Variants in ZNF624 observed in about 807,000 individuals in gnomAD.
The protein encoded by ZNF624 is zinc finger protein 624.
In ZNF624, 43 loss-of-function variants were observed where a neutral mutation model predicts 74.7. The ratio of observed to expected loss-of-function variants is 0.58; its 90% CI spans 0.45 to 0.74. ZNF624 has a LOEUF of 0.74. ZNF624 is among the 30% of genes least tolerant of loss of function. The pLI, the probability that ZNF624 is intolerant of heterozygous loss-of-function variation, is 0.00. For missense variants in ZNF624, 820 were observed against 1,030.0 expected, an observed-to-expected ratio of 0.80 and a Z score of 2.79; for synonymous variants, 331 against 341.3, an observed-to-expected ratio of 0.97 and a Z score of 0.33.
chr17:16,617,265 A>G, downstream of ZNF624: 1 of 1,613,378 alleles, frequency 6.2e-7, no homozygotes, highest in Non-Finnish European at 8.5e-7. Flanking sequence ...TGCGACTCCT[A>G]CTTCGTGACC....
chr17:16,624,473 C>T lies in ZNF624; in HGVS notation c.413G>A (p.Arg138Gln), dbSNP rs138875564. Residue 138 changes from arginine to glutamine, a missense_variant, in exon 6 of 6, where the codon CGA (arginine) becomes CAA (glutamine). By Grantham distance (43) the Arg-to-Gln change is conservative. Coordinates refer to ENST00000311331, the MANE Select transcript of ZNF624 (RefSeq NM_020787.4). ...TAAATCTTCAGAAATAGCCTTTGTTCGTGTAGCCTTCTTGGTTGCAGGTTT... is the reference window on the plus strand; with the variant it reads ...TAAATCTTCAGAAATAGCCTTTGTTTGTGTAGCCTTCTTGGTTGCAGGTTT... ...EPKPATKKAT[R>Q]TKAISEDLSQ... 8.1e-5 allele frequency: 129 copies of T among 1,586,692 alleles called. No individual in the cohort carries two copies. The highest frequency in any genetic ancestry group is 9.5e-5 in the Non-Finnish European group (111 of 1,171,424).
chr17:16,618,069 G>A (rs927167375), downstream of ZNF624, among the ~76,000 whole-genome samples: 2 of 152,188 alleles, frequency 1.3e-5, no homozygotes, highest in Non-Finnish European at 2.9e-5. Flanking sequence ...TATAAGAATT[G>A]CTGAAATTTT....
intron 5 of ZNF624, 71 bp downstream of exon 5, chr17:16,633,791 G>C: frequency 8.4e-7 from 1 of 1,192,712 alleles, no homozygotes; most frequent in Non-Finnish European, 1.2e-6. Context: ...TATTTCAGAT[G>C]TTCTGGTGAA....
In ZNF624 at chr17:16,622,380, A is replaced by G; in HGVS notation, c.2506T>C (p.Tyr836His). The change falls in exon 6 of 6, where the codon TAT becomes CAT. Residue 836 changes from tyrosine (Y) to histidine (H), a missense_variant. Transcript: ENST00000311331. ...HLRMHTGEKP[Y>H]KCNECGKAFR... ...GCTTTTCCACATTCATTACATTTAT[A>G]GGGTTTTTCTCCAGTATGCATCCTC... 1.2e-6 allele frequency: 2 copies of G among 1,613,850 alleles called. No individual in the cohort carries two copies. Among genetic ancestry groups the G allele is most frequent in the Non-Finnish European group, 1.7e-6 (2 of 1,179,886 alleles).
At chr17:16,616,916 T>G (rs1908802652), downstream of ZNF624, 1 of 1,526,604 alleles carries the variant, frequency 6.6e-7, no homozygotes, top group African/African-American at 1.4e-5. Context: ...GATCTTGAAG[T>G]AGCTCTTTTT....
intron 3 of ZNF624, among the ~76,000 whole-genome samples, chr17:16,640,117 TATA>T (rs1198255624): frequency 9.2e-5 from 14 of 152,092 alleles, no homozygotes; most frequent in African/African-American, 2.7e-4. Flanking sequence ...AGTTGAAAAG[TATA>T]ATAACTGAAA....
At chr17:16,642,035 G>A (rs559287354) in intron 3 of ZNF624, among the ~76,000 whole-genome samples, 4 of 152,280 alleles carry the variant, frequency 2.6e-5, no homozygotes, top group Non-Finnish European at 4.4e-5. Flanking sequence ...GACAATCGAT[G>A]TTCAAGTATG....
rs541391543 is a variant in ZNF624 at position 16,649,681 on chromosome 17, C to T, written c.64G>A (p.Val22Met). The T allele has an allele frequency of 1.2e-6, 2 of 1,614,054 alleles. No homozygotes were observed. Among genetic ancestry groups the T allele is most frequent in the East Asian group, 4.5e-5 (2 of 44,878 alleles). ...GKPEGEIMAA[V>M]FFSVGRLSPE... ...ACCAGGCGTCCAACTGAGAAAAACA[C>T]AGCAGCCATAATCTCTCCCTCTGGT... The change falls in exon 2 of 6, where the codon GTG becomes ATG. Residue 22 changes from valine to methionine, a missense_variant. Physicochemically the swap from Val to Met is conservative, Grantham distance 21 (BLOSUM62 1). Transcript: ENST00000311331.
In ZNF624 at chr17:16,622,412, A is replaced by T; in HGVS notation, c.2474T>A (p.Val825Glu). Residue 825 changes from valine (V) to glutamate (E), a missense_variant, in exon 6 of 6, where the codon GTA (valine) becomes GAA (glutamate). Physicochemically the swap from Val to Glu is moderately radical, Grantham distance 121 (BLOSUM62 -2). Transcript: ENST00000311331. ...KAFRTNSDFT[V>E]HLRMHTGEKP... ...TTCTCCAGTATGCATCCTCAAGTGT[A>T]CAGTAAAGTCTGAGTTAGTTCTGAA... 4 of 1,613,848 alleles carry T rather than the reference A, an allele frequency of 2.5e-6. No homozygotes were observed. Among genetic ancestry groups the T allele is most frequent in the Non-Finnish European group, 3.4e-6 (4 of 1,179,854 alleles).
chr17:16,619,059 C>A (rs894533214), downstream of ZNF624, among the ~76,000 whole-genome samples: 4 of 152,154 alleles, frequency 2.6e-5, no homozygotes, highest in African/African-American at 9.7e-5. Context: ...TACAACGAGA[C>A]ATAGTCCAAA....
At chr17:16,651,006 G>T (rs138497491) in intron 1 of ZNF624, among the ~76,000 whole-genome samples, 197 of 152,204 alleles carry the variant, frequency 1.3e-3, no homozygotes, top group African/African-American at 4.6e-3. Context: ...ATAAAGCAAG[G>T]TTATCAAGAA....
At chr17:16,643,355 A>G (rs1001797794) in intron 3 of ZNF624, among the ~76,000 whole-genome samples, 2 of 152,232 alleles carry the variant, frequency 1.3e-5, no homozygotes, top group African/African-American at 4.8e-5. Context: ...ATAAAAAGGA[A>G]TAAAGTACTG....
chr17:16,646,942 T>C (rs1597499209), intron 3 of ZNF624, among the ~76,000 whole-genome samples: 1 of 152,216 alleles, frequency 6.6e-6, no homozygotes, highest in Admixed American at 6.5e-5. Context: ...AAAAATGAAG[T>C]GGATTCACTA....
intron 3 of ZNF624, among the ~76,000 whole-genome samples, chr17:16,647,105 T>C (rs578043819): frequency 1.9e-4 from 29 of 152,320 alleles, no homozygotes; most frequent in African/African-American, 6.7e-4. Context: ...TACGTAATGA[T>C]AGGATATTTT....
At chr17:16,652,033 G>T (rs879934485) in intron 1 of ZNF624, among the ~76,000 whole-genome samples, 1 of 152,104 alleles carries the variant, frequency 6.6e-6, no homozygotes, top group East Asian at 1.9e-4. Flanking sequence ...GGAGTGGGAG[G>T]GGGGTGGAGA....
chr17:16,615,497 A>T, the ZNF624 span, among the ~76,000 whole-genome samples: 1 of 152,208 alleles, frequency 6.6e-6, no homozygotes, highest in East Asian at 1.9e-4. Context: ...AGGATTATAA[A>T]TTCTACGTGT....
intron 3 of ZNF624, among the ~76,000 whole-genome samples, chr17:16,637,187 G>A (rs1329737976): frequency 6.6e-6 from 1 of 152,132 alleles, no homozygotes; most frequent in Non-Finnish European, 1.5e-5. Flanking sequence ...CCTCTTCAAG[G>A]AGAACTACAA....
intron 2 of ZNF624, among the ~76,000 whole-genome samples, chr17:16,647,805 T>G (rs796725112): frequency 2.0e-5 from 3 of 152,230 alleles, no homozygotes; most frequent in African/African-American, 7.2e-5. Flanking sequence ...CATTACAGTG[T>G]TTGGTGGGGG....
At chr17:16,617,764 C>G, downstream of ZNF624, 1 of 1,608,506 alleles carries the variant, frequency 6.2e-7, no homozygotes, top group Non-Finnish European at 8.5e-7. Context: ...TCGAACTCCA[C>G]GAAGCCGTAG....
Sources: gnomAD v4.1 joint callset for allele counts (sites outside exome capture counted in the v4.1 genomes callset) on GRCh38, gnomAD v4.1.1 for gene constraint, MANE v1.5 for transcripts, NCBI Gene and HGNC (gene_info 2026-07-23, HGNC 2026-07-21) for gene names.